Variants in NCKAP5 observed in about 807,000 individuals in gnomAD.
The protein encoded by NCKAP5 is nck-associated protein 5.
A neutral mutation model predicts 167.0 loss-of-function variants in NCKAP5; 92 were observed. That is an observed-to-expected ratio of 0.55 (90% confidence interval 0.47 to 0.66). The LOEUF is 0.66. Among genes scored for constraint, NCKAP5 ranks in the 30% least tolerant of loss-of-function variants. The probability of loss-of-function intolerance (pLI) is 0.00; values close to 1 mark genes in which losing one functional copy is unlikely to be tolerated. For missense variants in NCKAP5, 2,378 were observed against 2,315.0 expected (o/e 1.03, Z -0.56); for synonymous variants, 891 against 877.4 (o/e 1.02, Z -0.27).
the NCKAP5 span, among the ~76,000 whole-genome samples, chr2:133,627,090 A>G: frequency 1.3e-5 from 2 of 152,056 alleles, no homozygotes; most frequent in Non-Finnish European, 2.9e-5. Context: ...GCCATAAAAC[A>G]TATTGGCCAT....
intron 15 of NCKAP5, among the ~76,000 whole-genome samples, chr2:132,774,527 C>T (rs759079887): frequency 1.9e-4 from 29 of 151,788 alleles, no homozygotes; most frequent in Non-Finnish European, 2.5e-4. Flanking sequence ...AGTTGGAAGG[C>T]CCAGGCACTA....
At chr2:133,153,990 G>A (rs917193298) in intron 5 of NCKAP5, among the ~76,000 whole-genome samples, 10 of 151,712 alleles carry the variant, frequency 6.6e-5, no homozygotes, top group South Asian at 2.1e-4. Flanking sequence ...ATAGGCGCCC[G>A]ACCACCACAC....
intron 3 of NCKAP5, among the ~76,000 whole-genome samples, chr2:133,445,585 G>T (rs1009626000): frequency 1.3e-5 from 2 of 152,154 alleles, no homozygotes; most frequent in Non-Finnish European, 2.9e-5. Flanking sequence ...ATCTCTAAGA[G>T]GCTCCAATGC....
chr2:132,699,829 C>T (rs1487526310), intron 19 of NCKAP5, among the ~76,000 whole-genome samples: 1 of 152,132 alleles, frequency 6.6e-6, no homozygotes, highest in Non-Finnish European at 1.5e-5. Context: ...ATTTATAATC[C>T]TTTGGGTATA....
intron 2 of NCKAP5, among the ~76,000 whole-genome samples, chr2:133,547,243 G>A (rs1033234365): frequency 2.4e-4 from 37 of 152,194 alleles, no homozygotes; most frequent in Middle Eastern, 3.4e-3. Flanking sequence ...ACGGAGTCTC[G>A]CTGACTGCTA....
intron 8 of NCKAP5, among the ~76,000 whole-genome samples, chr2:132,884,564 G>A (rs2148836563): frequency 6.6e-6 from 1 of 152,304 alleles, no homozygotes; most frequent in African/African-American, 2.4e-5. Context: ...TATCCAACTT[G>A]CCAATCTAAA....
upstream of NCKAP5, among the ~76,000 whole-genome samples, chr2:133,572,912 G>A (rs980097933): frequency 2.6e-5 from 4 of 152,204 alleles, no homozygotes; most frequent in Admixed American, 6.5e-5. Flanking sequence ...TATAACAAGA[G>A]AAGCAAACAG....
chr2:133,586,751 TCACACA>T, the NCKAP5 span, among the ~76,000 whole-genome samples: 13,014 of 140,904 alleles, frequency 0.092, 749 homozygotes, highest in African/African-American at 0.17. Context: ...GACAGCAATA[TCACACA>T]CACACACACA....
intron 4 of NCKAP5, among the ~76,000 whole-genome samples, chr2:133,231,181 G>T (rs1368865728): frequency 6.6e-6 from 1 of 152,124 alleles, no homozygotes; most frequent in Non-Finnish European, 1.5e-5. Flanking sequence ...GGCTCAAAGA[G>T]GTTGAGTATT....
intron 19 of NCKAP5, among the ~76,000 whole-genome samples, chr2:132,694,100 G>A (rs1381874442): frequency 9.7e-6 from 1 of 103,298 alleles, no homozygotes; most frequent in Admixed American, 9.4e-5. Context: ...CAAGTTTTAA[G>A]TGTTTTATTT....
At chr2:133,314,637 T>G (rs1681472330) in intron 3 of NCKAP5, among the ~76,000 whole-genome samples, 2 of 152,184 alleles carry the variant, frequency 1.3e-5, no homozygotes, top group African/African-American at 4.8e-5. Context: ...TTTTCAAGGG[T>G]TAATTATGTT....
chr2:133,298,377 T>A (rs949940290), intron 4 of NCKAP5, among the ~76,000 whole-genome samples: 13 of 152,290 alleles, frequency 8.5e-5, no homozygotes, highest in Middle Eastern at 3.4e-3. Context: ...ACACTATATA[T>A]AAGGCTTTGC....
chr2:133,182,033 A>T (rs1366670277), intron 5 of NCKAP5, among the ~76,000 whole-genome samples: 1 of 152,234 alleles, frequency 6.6e-6, no homozygotes, highest in African/African-American at 2.4e-5. Context: ...TCATAAAATT[A>T]TAAAATGGTC....
At chr2:133,114,927 T>C (rs1338103841) in intron 6 of NCKAP5, among the ~76,000 whole-genome samples, 1 of 152,202 alleles carries the variant, frequency 6.6e-6, no homozygotes, top group Non-Finnish European at 1.5e-5. Context: ...GCACTATTTC[T>C]GATGCACTAT....
At chr2:132,789,992 T>C (rs1270794254) in intron 13 of NCKAP5, 31 bp downstream of exon 13, 1 of 1,576,320 alleles carries the variant, frequency 6.3e-7, no homozygotes. Flanking sequence ...AGGATTCTTT[T>C]CTGGTTCATT....
At chr2:133,590,386 C>T in the NCKAP5 span, among the ~76,000 whole-genome samples, 1 of 151,732 alleles carries the variant, frequency 6.6e-6, no homozygotes, top group Admixed American at 6.6e-5. Context: ...ACTAGCCAGG[C>T]TTGGTGGCGG....
chr2:133,489,971 G>A (rs1681295390), intron 3 of NCKAP5, among the ~76,000 whole-genome samples: 1 of 152,156 alleles, frequency 6.6e-6, no homozygotes, highest in Non-Finnish European at 1.5e-5. Context: ...AGATTTCCAG[G>A]GCACCAGGCA....
intron 3 of NCKAP5, among the ~76,000 whole-genome samples, chr2:133,502,428 G>A (rs1450063949): frequency 6.6e-6 from 1 of 152,184 alleles, no homozygotes; most frequent in Non-Finnish European, 1.5e-5. Context: ...GTGTGTGGTG[G>A]TGGTGTTTGA....
intron 2 of NCKAP5, among the ~76,000 whole-genome samples, chr2:133,520,888 G>A (rs577071384): frequency 6.6e-6 from 1 of 152,228 alleles, no homozygotes; most frequent in East Asian, 1.9e-4. Context: ...GGCAACAAGC[G>A]GTACAGTTAG....
Sources: gnomAD v4.1 joint callset for allele counts (sites outside exome capture counted in the v4.1 genomes callset) on GRCh38, gnomAD v4.1.1 for gene constraint, MANE v1.5 for transcripts, NCBI Gene and HGNC (gene_info 2026-07-23, HGNC 2026-07-21) for gene names.